Variants in ADARB2 observed in about 807,000 individuals in gnomAD.
The protein encoded by ADARB2 is inactive double-stranded RNA-specific editase B2.
ADARB2 carries 25 observed loss-of-function variants against 62.2 expected under a neutral mutation model. The ratio of observed to expected loss-of-function variants is 0.40; its 90% CI spans 0.29 to 0.56. ADARB2 has a LOEUF of 0.56. Among genes scored for constraint, ADARB2 ranks in the 20% least tolerant of loss-of-function variants. The pLI, the probability that ADARB2 is intolerant of heterozygous loss-of-function variation, is 0.43. For synonymous variants in ADARB2, 572 were observed against 500.8 expected (o/e 1.14, Z -1.90); for missense variants, 1,071 against 1,077.4 (o/e 0.99, Z 0.08).
chr10:1,481,340 T>C (rs1831467934), intron 1 of ADARB2, among the ~76,000 whole-genome samples: 1 of 152,086 alleles, frequency 6.6e-6, no homozygotes, highest in South Asian at 2.1e-4. Context: ...GACCTAAAAC[T>C]ATAGAACTCG....
chr10:1,401,240 G>A (rs1320207926), intron 1 of ADARB2, among the ~76,000 whole-genome samples: 2 of 152,296 alleles, frequency 1.3e-5, no homozygotes, highest in African/African-American at 4.8e-5. Flanking sequence ...GGGACGGCCC[G>A]GTGTGTGTGG....
At chr10:1,488,809 C>T (rs1234830078) in intron 1 of ADARB2, among the ~76,000 whole-genome samples, 1 of 152,208 alleles carries the variant, frequency 6.6e-6, no homozygotes, top group African/African-American at 2.4e-5. Flanking sequence ...CGGGGGAAAA[C>T]GCTCGCATAT....
chr10:1,460,872 CCTGTG>C (rs879584973), intron 1 of ADARB2, among the ~76,000 whole-genome samples: 18,684 of 136,466 alleles, frequency 0.14, 3,966 homozygotes, highest in Middle Eastern at 0.23. Context: ...AACGAACCTG[CCTGTG>C]ACCTGAGTTT....
At chr10:1,354,995 C>T (rs1832181010) in intron 3 of ADARB2, among the ~76,000 whole-genome samples, 1 of 152,200 alleles carries the variant, frequency 6.6e-6, no homozygotes, top group African/African-American at 2.4e-5. Context: ...GGCAGGTGAC[C>T]CGATCCTCTC....
At chr10:1,524,429 T>C (rs1832114885) in intron 1 of ADARB2, among the ~76,000 whole-genome samples, 1 of 152,204 alleles carries the variant, frequency 6.6e-6, no homozygotes, top group South Asian at 2.1e-4. Flanking sequence ...TCCATGTTTG[T>C]GATCTTCTGG....
intron 1 of ADARB2, among the ~76,000 whole-genome samples, chr10:1,521,378 T>G (rs975375530): frequency 6.6e-6 from 1 of 152,218 alleles, no homozygotes; most frequent in African/African-American, 2.4e-5. Flanking sequence ...CTCGCTTCAG[T>G]CTTTTATATA....
chr10:1,198,809 G>A (rs1262398878), intron 8 of ADARB2, among the ~76,000 whole-genome samples: 1 of 152,250 alleles, frequency 6.6e-6, no homozygotes. Flanking sequence ...ATGGACACAT[G>A]ATTGAAAATC....
At chr10:1,644,507 A>T (rs1249149210) in intron 1 of ADARB2, among the ~76,000 whole-genome samples, 1 of 152,274 alleles carries the variant, frequency 6.6e-6, no homozygotes, top group Non-Finnish European at 1.5e-5. Flanking sequence ...ATGTTCTTTA[A>T]AAAAGCAAAA....
chr10:1,349,348 A>C (rs1290527923), intron 3 of ADARB2, among the ~76,000 whole-genome samples: 1 of 152,044 alleles, frequency 6.6e-6, no homozygotes, highest in African/African-American at 2.4e-5. Flanking sequence ...GCCCGCCTGC[A>C]ACCAGGTGAA....
intron 1 of ADARB2, among the ~76,000 whole-genome samples, chr10:1,500,412 C>T (rs1187875847): frequency 5.3e-5 from 8 of 152,180 alleles, no homozygotes; most frequent in Admixed American, 3.9e-4. Flanking sequence ...GCAATTATTC[C>T]AGTAGAAATT....
intron 3 of ADARB2, among the ~76,000 whole-genome samples, chr10:1,301,550 C>T (rs976779073): frequency 2.3e-5 from 2 of 87,318 alleles, no homozygotes; most frequent in Non-Finnish European, 5.0e-5. Flanking sequence ...TTTCTTGATG[C>T]TTCTCTCTTC....
intron 1 of ADARB2, among the ~76,000 whole-genome samples, chr10:1,648,366 T>G (rs1834071305): frequency 6.6e-6 from 1 of 152,152 alleles, no homozygotes; most frequent in South Asian, 2.1e-4. Flanking sequence ...GCCGTGGGCT[T>G]GATTTCCAGC....
At position 1,255,500 on chromosome 10, in the gene ADARB2, C is replaced by T. The variant is rs1481864444; in HGVS notation, c.1193-13201G>A. On this transcript the variant is annotated intron_variant, in intron 4 of 9. Coordinates refer to ENST00000381312, the MANE Select transcript of ADARB2 (RefSeq NM_018702.4). This position sits in a 1 kb window ranked among gnomAD's most constrained non-coding sequence, Gnocchi z 4.7. Reference sequence around the variant, plus strand: ...ATGCCAGGCTGACGCTGGCTGCTGTCCACCTGTGATGGCCTCGGGCACTGT... The same window carrying T: ...ATGCCAGGCTGACGCTGGCTGCTGTTCACCTGTGATGGCCTCGGGCACTGT... Among the ~76,000 whole-genome samples the T allele has an allele frequency of 2.0e-5, 3 of 152,260 alleles. No homozygotes were observed. The East Asian group carries it at 5.8e-4, about 29-fold the overall frequency.
At chr10:1,200,477 C>G (rs1836971602) in intron 7 of ADARB2, 2 of 454,710 alleles carry the variant, frequency 4.4e-6, no homozygotes, top group East Asian at 6.8e-5. Context: ...AAAAGTGAAT[C>G]TGAATTTTTC....
At chr10:1,312,896 T>G (rs1307690163) in intron 3 of ADARB2, among the ~76,000 whole-genome samples, 1 of 152,178 alleles carries the variant, frequency 6.6e-6, no homozygotes, top group African/African-American at 2.4e-5. Flanking sequence ...TGTCTTCCAT[T>G]TTGTGTGTTT....
In ADARB2 at chr10:1,272,983, C is replaced by T. The variant is rs369542482; in HGVS notation, c.1078-1914G>A. On this transcript the variant is annotated intron_variant, in intron 3 of 9. Transcript: ENST00000381312. ...CCTCCGGGCGTCCCTGGGTGGTGGC[C>T]GCATCACTGCAGTCTCCGCCTCTAT... Among the ~76,000 whole-genome samples, 393 of 152,306 alleles carry T rather than the reference C, an allele frequency of 2.6e-3. 1 individual carries two copies. Among genetic ancestry groups the T allele is most frequent in the African/African-American group, 9.2e-3 (382 of 41,556 alleles).
chr10:1,202,451 C>T (rs1836998969), intron 7 of ADARB2, among the ~76,000 whole-genome samples: 1 of 152,190 alleles, frequency 6.6e-6, no homozygotes, highest in Admixed American at 6.5e-5. Context: ...CGTGCTGGAA[C>T]CACAGGTGTG....
At chr10:1,578,094 C>T (rs1322106688) in intron 1 of ADARB2, among the ~76,000 whole-genome samples, 1 of 152,132 alleles carries the variant, frequency 6.6e-6, no homozygotes, top group Non-Finnish European at 1.5e-5. Flanking sequence ...TTCAGCAGAC[C>T]CAGCAAAGCA....
At chr10:1,396,734 CTCCTCTCCCCTCCCGA>C (rs1832618572) in intron 1 of ADARB2, among the ~76,000 whole-genome samples, 1 of 104,574 alleles carries the variant, frequency 9.6e-6, no homozygotes, top group Non-Finnish European at 2.0e-5. Context: ...GGTCACCGTC[CTCCTCTCCCCTCCCGA>C]GTGCAGGCTT....
Sources: allele counts gnomAD v4.1 joint callset (sites outside exome capture counted in the v4.1 genomes callset), GRCh38; gene constraint gnomAD v4.1.1; non-coding constraint Gnocchi (gnomAD v3.1); transcripts MANE v1.5; gene names NCBI Gene and HGNC (gene_info 2026-07-23, HGNC 2026-07-21).